The following MPPED1 variants were observed in gnomAD, a reference collection of about 807,000 sequenced individuals.
The protein encoded by MPPED1 is metallophosphoesterase domain-containing protein 1.
In MPPED1, 16 loss-of-function variants were observed where a neutral mutation model predicts 36.2. The ratio of observed to expected loss-of-function variants is 0.44; its 90% CI spans 0.30 to 0.67. The LOEUF is 0.67. MPPED1 is among the 30% of genes least tolerant of loss of function. The pLI, the probability that MPPED1 is intolerant of heterozygous loss-of-function variation, is 0.10. For synonymous variants in MPPED1, 199 were observed against 191.3 expected (o/e 1.04, Z -0.33); for missense variants, 307 against 453.4 (o/e 0.68, Z 2.93).
chr22:43,415,440 G>A (rs1461290303), intron 1 of MPPED1, among the ~76,000 whole-genome samples: 1 of 152,006 alleles, frequency 6.6e-6, no homozygotes, highest in East Asian at 1.9e-4. Context: ...ACAAGACTTA[G>A]TTATACTTTA....
intron 1 of MPPED1, among the ~76,000 whole-genome samples, chr22:43,424,480 G>T (rs1218402792): frequency 1.3e-5 from 2 of 152,178 alleles, no homozygotes; most frequent in African/African-American, 2.4e-5. Context: ...GGGGAGGGTT[G>T]TAGGAGAATC....
intron 4 of MPPED1, among the ~76,000 whole-genome samples, chr22:43,496,153 G>A (rs1157165822): frequency 5.3e-5 from 4 of 75,384 alleles, no homozygotes; most frequent in Non-Finnish European, 6.7e-5. Context: ...TGGTGGAGGT[G>A]GTGGTGGTGG....
intron 5 of MPPED1, among the ~76,000 whole-genome samples, chr22:43,499,509 AGGTGATGGTGGTGGTGATGGAGGTGGT>A (rs1932553961): frequency 1.8e-5 from 1 of 56,556 alleles, no homozygotes; most frequent in Non-Finnish European, 3.5e-5. Context: ...GTGGTAATGG[AGGTGATGGTGGTGGTGATGGAGGTGGT>A]GGTGATGGTG....
rs961843487 is a variant in MPPED1 at position 43,502,984 on chromosome 22, T to C, written c.862+227T>C. ...CCTGCATGACTTAGGGGGTAAATTT[T>C]GCTTCCGGGGAGCCCTGCAACTCTG... On this transcript the variant is annotated intron_variant, in intron 6 of 6. Transcript: ENST00000443721. The surrounding 1 kb of genome is among the most constrained non-coding windows in gnomAD (Gnocchi z 5.5). 5.3e-5 allele frequency among the ~76,000 whole-genome samples: 8 copies of C among 152,324 alleles called. No individual in the cohort carries two copies. Among genetic ancestry groups the C allele is most frequent in the Admixed American group, 2.0e-4 (3 of 15,300 alleles).
At chr22:43,458,599 A>T (rs1272690288) in intron 3 of MPPED1, among the ~76,000 whole-genome samples, 2 of 152,006 alleles carry the variant, frequency 1.3e-5, no homozygotes, top group Non-Finnish European at 2.9e-5. Flanking sequence ...TGTCTTTTAT[A>T]TTTACCTGTG....
intron 4 of MPPED1, among the ~76,000 whole-genome samples, chr22:43,475,565 A>ATGG (rs1931530912): frequency 8.7e-6 from 1 of 115,264 alleles, no homozygotes; most frequent in Non-Finnish European, 1.7e-5. Flanking sequence ...GGTGGTGATG[A>ATGG]TGATGGTTGT....
rs1215211491 is a variant in MPPED1, at chr22:43,504,003, G to T, written c.862+1246G>T. The stretch of plus-strand genomic sequence containing the variant: ...ACCAAATAGAGGTGGTGAGAAGAGG[G>T]TATGAGGGAGGCAGAGAAAGTACAT... On this transcript the variant is annotated intron_variant, in intron 6 of 6. Transcript: ENST00000443721. 2.6e-5 allele frequency among the ~76,000 whole-genome samples: 4 copies of T among 152,188 alleles called. No individual in the cohort carries two copies. The East Asian group carries it at 7.7e-4, about 29-fold the overall frequency.
chr22:43,485,708 A>C (rs1044123448), intron 4 of MPPED1, among the ~76,000 whole-genome samples: 1 of 152,252 alleles, frequency 6.6e-6, no homozygotes, highest in African/African-American at 2.4e-5. Context: ...AATGTTTGAA[A>C]TGAATCATCT....
At chr22:43,495,867 AGAT>A (rs1469519286) in intron 4 of MPPED1, among the ~76,000 whole-genome samples, 154 of 10,388 alleles carry the variant, frequency 0.015, 8 homozygotes, top group Non-Finnish European at 0.025. Flanking sequence ...GTGGTGGTGG[AGAT>A]GGTGGTGGTG....
chr22:43,424,549 C>T (rs1253466031), intron 1 of MPPED1, among the ~76,000 whole-genome samples: 2 of 152,086 alleles, frequency 1.3e-5, no homozygotes, highest in African/African-American at 4.8e-5. Context: ...AAAATACCAG[C>T]CATTGTCTTA....
At chr22:43,495,378 T>A (rs1254736603) in intron 4 of MPPED1, among the ~76,000 whole-genome samples, 2 of 146,798 alleles carry the variant, frequency 1.4e-5, no homozygotes, top group African/African-American at 2.5e-5. Context: ...ATGGTAGTGG[T>A]GATGGTGGTG....
chr22:43,432,045 G>C lies in MPPED1; in HGVS notation c.225-2989G>C, dbSNP rs111728745. Reference sequence around the variant, plus strand: ...GTGGGTGGGAGCTGAGGCCCTCTTAGGGCTCCTCTGCTAGGCGGGGCTCCC... The same window carrying C: ...GTGGGTGGGAGCTGAGGCCCTCTTACGGCTCCTCTGCTAGGCGGGGCTCCC... On this transcript the variant is annotated intron_variant, in intron 2 of 6. Coordinates refer to ENST00000443721, the MANE Select transcript of MPPED1 (RefSeq NM_001044370.2). 5.0e-3 allele frequency among the ~76,000 whole-genome samples: 767 copies of C among 152,312 alleles called. 16 individuals carry two copies. Among genetic ancestry groups the C allele is most frequent in the African/African-American group, 0.017 (725 of 41,574 alleles).
chr22:43,444,364 C>CT (rs11307353), intron 3 of MPPED1, among the ~76,000 whole-genome samples: 2,220 of 89,354 alleles, frequency 0.025, 87 homozygotes, highest in East Asian at 0.041. Context: ...TTCTATCTAT[C>CT]TTTTTTTTTT....
chr22:43,487,277 T>C (rs1276540650), intron 4 of MPPED1, among the ~76,000 whole-genome samples: 1 of 151,958 alleles, frequency 6.6e-6, no homozygotes, highest in Non-Finnish European at 1.5e-5. Flanking sequence ...TCGTGGATGA[T>C]GGGAGAGGCT....
intron 4 of MPPED1, among the ~76,000 whole-genome samples, chr22:43,495,415 G>C (rs1932243361): frequency 6.6e-6 from 1 of 151,430 alleles, no homozygotes; most frequent in Non-Finnish European, 1.5e-5. Context: ...TGATGGAGGT[G>C]GTGGTGGTGG....
intron 1 of MPPED1, among the ~76,000 whole-genome samples, chr22:43,419,982 G>A (rs1215055695): frequency 6.6e-6 from 1 of 152,150 alleles, no homozygotes; most frequent in African/African-American, 2.4e-5. Context: ...TCAGACTTTG[G>A]AAAAGCAAGC....
intron 3 of MPPED1, among the ~76,000 whole-genome samples, chr22:43,436,293 T>G (rs897174251): frequency 1.3e-5 from 2 of 152,118 alleles, no homozygotes; most frequent in African/African-American, 4.8e-5. Flanking sequence ...CCGCTCACCT[T>G]CCTGCGCAGC....
chr22:43,460,633 A>G (rs1423194722), intron 3 of MPPED1, among the ~76,000 whole-genome samples: 1 of 152,086 alleles, frequency 6.6e-6, no homozygotes, highest in Non-Finnish European at 1.5e-5. Flanking sequence ...TGTGGCTACT[A>G]AAGTCTCTGC....
At chr22:43,476,624 C>A (rs942578433) in intron 4 of MPPED1, among the ~76,000 whole-genome samples, 1 of 152,130 alleles carries the variant, frequency 6.6e-6, no homozygotes, top group Admixed American at 6.5e-5. Context: ...CTTGCCATAG[C>A]CTCCTCATGG....
Sources: gnomAD v4.1 joint callset for allele counts (sites outside exome capture counted in the v4.1 genomes callset) on GRCh38, gnomAD v4.1.1 for gene constraint, Gnocchi (gnomAD v3.1) non-coding constraint, MANE v1.5 for transcripts, NCBI Gene and HGNC (gene_info 2026-07-23, HGNC 2026-07-21) for gene names.